BYSL: variants seen among roughly 807,000 people sequenced by gnomAD.
BYSL encodes the protein bystin.
In BYSL, 21 loss-of-function variants were observed where a neutral mutation model predicts 45.4. The ratio of observed to expected loss-of-function variants is 0.46; its 90% confidence interval spans 0.33 to 0.67. The LOEUF is 0.67. Among genes scored for constraint, BYSL ranks in the 30% least tolerant of loss-of-function variants. The probability of loss-of-function intolerance (pLI) is 0.02; values close to 1 mark genes in which losing one functional copy is unlikely to be tolerated. For synonymous variants in BYSL, 215 were observed against 231.3 expected, an observed-to-expected ratio of 0.93 and a Z score of 0.64; for missense variants, 522 against 578.5, an observed-to-expected ratio of 0.90 and a Z score of 1.00.
chr6:41,910,026 G>T, the BYSL span, among the ~76,000 whole-genome samples: 1 of 152,112 alleles, frequency 6.6e-6, no homozygotes, highest in Non-Finnish European at 1.5e-5. Context: ...GCAGCAAAGG[G>T]GAGTGTCTGA....
At chr6:41,926,954 G>C (rs1041386806) in intron 1 of BYSL, among the ~76,000 whole-genome samples, 1 of 151,558 alleles carries the variant, frequency 6.6e-6, no homozygotes, top group Non-Finnish European at 1.5e-5. Flanking sequence ...AATTAGCCGG[G>C]CTGGTGGCTT....
intron 6 of BYSL, 152 bp downstream of exon 6, chr6:41,931,982 C>G: frequency 1.3e-6 from 1 of 755,982 alleles, no homozygotes; most frequent in Non-Finnish European, 2.2e-6. Context: ...CATTATCCCC[C>G]TCAATGTAAG....
intron 1 of BYSL, among the ~76,000 whole-genome samples, chr6:41,926,643 G>T (rs1339858880): frequency 6.6e-6 from 1 of 150,894 alleles, no homozygotes; most frequent in Non-Finnish European, 1.5e-5. Flanking sequence ...TAGAGATGGG[G>T]TTTCACCATG....
At chr6:41,931,297 C>T (rs1582074797) in intron 4 of BYSL, 99 bp from the exon 5 acceptor site, 1 of 1,409,524 alleles carries the variant, frequency 7.1e-7, no homozygotes, top group Non-Finnish European at 9.8e-7. Flanking sequence ...CCATATTTTA[C>T]TTTAAAACCT....
chr6:41,917,648 G>T (rs1436946971), upstream of BYSL: 3 of 414,476 alleles, frequency 7.2e-6, no homozygotes, highest in East Asian at 2.2e-4. Flanking sequence ...GCGTTCTCAA[G>T]TGTGGCATGC....
rs771148456 is a variant in BYSL at position 41,931,750 on chromosome 6, G to A, written c.888G>A (p.Glu296=). Residue 296 remains glutamate, a synonymous_variant, in exon 6 of 7, where the codon GAG becomes GAA. Transcript: ENST00000230340. ...TAGGGATCCTGATTCCACTGTGCGA[G>A]TCTGGCACTTGTACCCTCCGGGAAG... The part of the protein sequence containing the change: ...WFKGILIPLC[E]SGTCTLREAI... 1.9e-6 allele frequency: 3 copies of A among 1,614,038 alleles called. No individual in the cohort carries two copies. The highest frequency in any genetic ancestry group is 4.5e-5 in the East Asian group (2 of 44,890).
At chr6:41,909,046 T>A in the BYSL span, 1 of 517,886 alleles carries the variant, frequency 1.9e-6, no homozygotes, top group Non-Finnish European at 3.3e-6. Context: ...TTTAATTCGG[T>A]GGGTGTAGTC....
At chr6:41,922,427 T>C (rs985549552) in intron 1 of BYSL, among the ~76,000 whole-genome samples, 1 of 152,236 alleles carries the variant, frequency 6.6e-6, no homozygotes, top group Non-Finnish European at 1.5e-5. Flanking sequence ...TGATGTTTTC[T>C]CACTAGGGAG....
chr6:41,918,241 C>T (rs529034866), upstream of BYSL, among the ~76,000 whole-genome samples: 3 of 152,300 alleles, frequency 2.0e-5, no homozygotes, highest in Non-Finnish European at 2.9e-5. Context: ...TGGTGGCTCA[C>T]GCCTGTAATC....
the BYSL span, among the ~76,000 whole-genome samples, chr6:41,913,710 C>T: frequency 1.3e-5 from 2 of 152,066 alleles, no homozygotes; most frequent in Admixed American, 6.6e-5. Flanking sequence ...CCAGCCTGGC[C>T]AACATGGTGA....
At chr6:41,908,802 T>A in the BYSL span, 2 of 159,042 alleles carry the variant, frequency 1.3e-5, no homozygotes, top group African/African-American at 4.8e-5. Context: ...AGTCTCTGAA[T>A]AATTAAAGAA....
chr6:41,915,196 G>A, the BYSL span, among the ~76,000 whole-genome samples: 1 of 152,288 alleles, frequency 6.6e-6, no homozygotes, highest in East Asian at 1.9e-4. Context: ...CACTTTGGGA[G>A]GCCTATGTTG....
rs199966307 is a variant in BYSL at position 41,927,497 on chromosome 6, G to A, written c.392G>A (p.Arg131His). The A allele has an allele frequency of 3.5e-5, 56 of 1,614,090 alleles. No individual in the cohort carries two copies. In the East Asian group the frequency reaches 3.8e-4, roughly 11 times the overall value. ...AEVVVDPEDE[R>H]AIEMFMNKNP... ...GTGGTTGTGGACCCTGAGGATGAGCGTGCCATAGAGATGTTCATGAACAAG... is the reference window on the plus strand; with the variant it reads ...GTGGTTGTGGACCCTGAGGATGAGCATGCCATAGAGATGTTCATGAACAAG... Residue 131 changes from arginine to histidine, a missense_variant, in exon 2 of 7, where the codon CGT becomes CAT. Physicochemically the swap from Arg to His is conservative, Grantham distance 29. Transcript: ENST00000230340.
intron 1 of BYSL, among the ~76,000 whole-genome samples, chr6:41,922,388 A>C (rs976976064): frequency 6.6e-6 from 1 of 152,234 alleles, no homozygotes. Context: ...TAGCAGCCAA[A>C]GAGCGAGAGA....
upstream of BYSL, among the ~76,000 whole-genome samples, chr6:41,920,487 T>C (rs974335543): frequency 2.6e-5 from 4 of 152,310 alleles, no homozygotes; most frequent in Non-Finnish European, 5.9e-5. Flanking sequence ...GGCAGTACTA[T>C]GGCCTCACGG....
intron 1 of BYSL, 28 bp downstream of exon 1, chr6:41,921,858 A>C: frequency 1.3e-6 from 2 of 1,599,668 alleles, no homozygotes. Context: ...GGTCCGAGGA[A>C]GACAGTGGCC....
At position 41,927,680 on chromosome 6, in the gene BYSL, A is replaced by G. The variant is rs1775582988; in HGVS notation, c.431+144A>G. ...GGGACCACCTTGACAAAACTGGCCCATCCTCAAAGGACCACTGTGAGTAGG... is the reference window on the plus strand; with the variant it reads ...GGGACCACCTTGACAAAACTGGCCCGTCCTCAAAGGACCACTGTGAGTAGG... On this transcript the variant is annotated intron_variant, in intron 2 of 6. Transcript: ENST00000230340. 7 of 965,024 alleles carry G rather than the reference A, an allele frequency of 7.3e-6. No homozygotes were observed. In the East Asian group the frequency reaches 1.9e-4, roughly 26 times the overall value. 59.8% of individuals were successfully genotyped at this position (965,024 alleles called of 1,614,324 possible). A position where few individuals can be genotyped will look rare whatever the true frequency, so the allele number is the denominator to read the frequency against.
At chr6:41,925,205 C>G (rs773879956) in intron 1 of BYSL, among the ~76,000 whole-genome samples, 1 of 152,138 alleles carries the variant, frequency 6.6e-6, no homozygotes, top group South Asian at 2.1e-4. Context: ...GACAAAATGT[C>G]TGTTCCCCCT....
At chr6:41,919,526 C>T (rs2127382242), upstream of BYSL, among the ~76,000 whole-genome samples, 1 of 152,216 alleles carries the variant, frequency 6.6e-6, no homozygotes, top group East Asian at 1.9e-4. Flanking sequence ...TTTTGAAATA[C>T]AAAAGAATCC....
Sources: allele counts gnomAD v4.1 joint callset (sites outside exome capture counted in the v4.1 genomes callset), GRCh38; gene constraint gnomAD v4.1.1; transcripts MANE v1.5; gene names NCBI Gene and HGNC (gene_info 2026-07-23, HGNC 2026-07-21).